The following DRICH1 variants were observed in gnomAD, a reference collection of about 807,000 sequenced individuals.
The protein encoded by DRICH1 is aspartate-rich protein 1.
DRICH1 carries 38 observed loss-of-function variants against 39.5 expected under a neutral mutation model. The observed-to-expected ratio is 0.96, with a 90% CI of 0.74 to 1.26. The LOEUF is 1.26. Ranked by LOEUF, DRICH1 falls within the 50% of genes most tolerant of loss-of-function variation. DRICH1 has a pLI of 0.00. For synonymous variants in DRICH1, 84 were observed against 99.5 expected, an observed-to-expected ratio of 0.84 and a Z score of 0.93; for missense variants, 279 against 270.4, an observed-to-expected ratio of 1.03 and a Z score of -0.22.
downstream of DRICH1, among the ~76,000 whole-genome samples, chr22:23,605,110 T>C (rs535568929): frequency 2.9e-4 from 44 of 152,252 alleles, 1 homozygote; most frequent in South Asian, 8.9e-3. Flanking sequence ...GACTATGAGG[T>C]CACTGAGATG....
At chr22:23,631,150 T>G (rs143468142) in intron 1 of DRICH1, among the ~76,000 whole-genome samples, 3,267 of 152,238 alleles carry the variant, frequency 0.021, 117 homozygotes, top group African/African-American at 0.074. Context: ...CCGGGCGCGA[T>G]GCCTCATGCC....
chr22:23,608,831 C>T (rs1263627357), intron 11 of DRICH1, 63 bp from the exon 12 acceptor site: 1 of 1,534,110 alleles, frequency 6.5e-7, no homozygotes, highest in East Asian at 2.4e-5. Flanking sequence ...ACTATGACAT[C>T]ATCCCACTAA....
the DRICH1 span, among the ~76,000 whole-genome samples, chr22:23,596,757 AAT>A: frequency 6.6e-6 from 1 of 152,230 alleles, no homozygotes; most frequent in Non-Finnish European, 1.5e-5. Flanking sequence ...CTTTTAAATC[AAT>A]GAGATTTGTT....
rs890599617 is a variant in DRICH1 at position 23,625,001 on chromosome 22, C to G, written c.277-97G>C. ...TTCTCTTGATGACTTCAGAAAACTACTTTTGAAACAGTGGTTGAGTCCATG... is the reference window on the plus strand; with the variant it reads ...TTCTCTTGATGACTTCAGAAAACTAGTTTTGAAACAGTGGTTGAGTCCATG... On this transcript the variant is annotated intron_variant, in intron 2 of 11. Coordinates refer to ENST00000317749, the MANE Select transcript of DRICH1 (RefSeq NM_016449.4). 2.2e-6 allele frequency: 3 copies of G among 1,372,104 alleles called. No homozygotes were observed. In the African/African-American group the frequency reaches 4.3e-5, roughly 20 times the overall value. The allele number at this position is 1,372,104 out of a possible 1,614,324, so 85.0% of individuals were successfully genotyped here. A position where few individuals can be genotyped will look rare whatever the true frequency, so the allele number is the denominator to read the frequency against.
At chr22:23,617,798 A>T (rs1206718053) in intron 6 of DRICH1, 141 bp from the exon 7 acceptor site, 18 of 760,556 alleles carry the variant, frequency 2.4e-5, no homozygotes, top group Non-Finnish European at 1.5e-5. Context: ...ATGGCAGAGG[A>T]GGGGAGCAGG....
chr22:23,619,211 T>C (rs148554153), intron 6 of DRICH1, among the ~76,000 whole-genome samples, 153 bp downstream of exon 6: 28 of 151,308 alleles, frequency 1.9e-4, no homozygotes, highest in Non-Finnish European at 4.4e-5. Context: ...CACAAATTTA[T>C]ATTAGTCATG....
At chr22:23,623,777 TC>T in intron 3 of DRICH1, 1 of 215,432 alleles carries the variant, frequency 4.6e-6, no homozygotes, top group Non-Finnish European at 7.9e-6. Context: ...ACAGCATGCT[TC>T]TAGCTTGGGG....
chr22:23,628,462 C>T (rs1280749275), intron 1 of DRICH1, among the ~76,000 whole-genome samples: 1 of 151,998 alleles, frequency 6.6e-6, no homozygotes, highest in Non-Finnish European at 1.5e-5. Context: ...AGCTACTCAG[C>T]AGGCTGAGGC....
At chr22:23,614,551 C>T (rs1043433278) in intron 8 of DRICH1, among the ~76,000 whole-genome samples, 2 of 152,122 alleles carry the variant, frequency 1.3e-5, no homozygotes, top group African/African-American at 2.4e-5. Flanking sequence ...ATTTTCTTAA[C>T]GTATTCAAGA....
chr22:23,582,295 A>G, the DRICH1 span, among the ~76,000 whole-genome samples: 2 of 116,096 alleles, frequency 1.7e-5, no homozygotes, highest in South Asian at 2.7e-4. Context: ...TTTTTTTTTG[A>G]GACGGAGTCT....
the DRICH1 span, among the ~76,000 whole-genome samples, chr22:23,594,421 T>A: frequency 1.3e-5 from 2 of 152,026 alleles, no homozygotes; most frequent in African/African-American, 4.8e-5. Context: ...ATACAAAAAA[T>A]TAACCAGGTG....
At chr22:23,620,110 A>G (rs1927629569) in intron 5 of DRICH1, among the ~76,000 whole-genome samples, 2 of 152,184 alleles carry the variant, frequency 1.3e-5, no homozygotes, top group African/African-American at 2.4e-5. Context: ...GCCCATAAAC[A>G]TAGTACTTCT....
intron 5 of DRICH1, among the ~76,000 whole-genome samples, chr22:23,620,124 C>T (rs1927630825): frequency 6.6e-6 from 1 of 152,136 alleles, no homozygotes; most frequent in African/African-American, 2.4e-5. Flanking sequence ...TACTTCTCAT[C>T]ATGATGACAT....
intron 8 of DRICH1, 150 bp from the exon 9 acceptor site, chr22:23,614,364 T>C (rs1182922315): frequency 3.2e-6 from 2 of 633,720 alleles, no homozygotes; most frequent in Non-Finnish European, 5.7e-6. Context: ...GGAAGAGGGA[T>C]GGCAAAGAAG....
intron 3 of DRICH1, among the ~76,000 whole-genome samples, chr22:23,623,192 A>G (rs1458058424): frequency 6.6e-6 from 1 of 152,106 alleles, no homozygotes. Context: ...AGATCACGAC[A>G]TCAAAAGATT....
At chr22:23,631,344 A>C (rs1928371529) in intron 1 of DRICH1, among the ~76,000 whole-genome samples, 1 of 151,948 alleles carries the variant, frequency 6.6e-6, no homozygotes. Context: ...TGAACCCAGG[A>C]GGCAGAGGTT....
At chr22:23,632,463 G>T, upstream of DRICH1, 1 of 229,838 alleles carries the variant, frequency 4.4e-6, no homozygotes, top group Non-Finnish European at 8.6e-6. Flanking sequence ...GCCTGTCCCT[G>T]CTGCTGCCCA....
intron 6 of DRICH1, among the ~76,000 whole-genome samples, chr22:23,619,114 G>C (rs776508888): frequency 6.7e-6 from 1 of 148,840 alleles, no homozygotes; most frequent in African/African-American, 2.5e-5. Context: ...AGAGGTGGCA[G>C]TGAGGAGAGA....
chr22:23,589,490 ATATG>A, the DRICH1 span, among the ~76,000 whole-genome samples: 10 of 127,906 alleles, frequency 7.8e-5, no homozygotes, highest in African/African-American at 1.4e-4. Flanking sequence ...ACATATATAT[ATATG>A]TGTGTATGTG....
Sources: gnomAD v4.1 joint callset for allele counts (sites outside exome capture counted in the v4.1 genomes callset) on GRCh38, gnomAD v4.1.1 for gene constraint, MANE v1.5 for transcripts, NCBI Gene and HGNC (gene_info 2026-07-23, HGNC 2026-07-21) for gene names.